The following HNF4A variants were observed in gnomAD, a reference collection of about 807,000 sequenced individuals.
The protein encoded by HNF4A is hepatocyte nuclear factor 4-alpha.
HNF4A carries 15 observed loss-of-function variants against 52.4 expected under a neutral mutation model. The ratio of observed to expected loss-of-function variants is 0.29; its 90% CI spans 0.19 to 0.44. The LOEUF is 0.44. HNF4A is among the 20% of genes least tolerant of loss of function. The probability of loss-of-function intolerance (pLI) is 1.00; values close to 1 mark genes in which losing one functional copy is unlikely to be tolerated. For synonymous variants in HNF4A, 280 were observed against 264.4 expected, an observed-to-expected ratio of 1.06 and a Z score of -0.57; for missense variants, 479 against 647.2, an observed-to-expected ratio of 0.74 and a Z score of 2.82.
At chr20:44,369,278 A>AAAC (rs2063006751) in intron 1 of HNF4A, among the ~76,000 whole-genome samples, 5 of 142,622 alleles carry the variant, frequency 3.5e-5, no homozygotes, top group Non-Finnish European at 4.6e-5. Flanking sequence ...AAAAAAAAAA[A>AAAC]CTGGGCCGGC....
At chr20:44,414,732 C>T in intron 5 of HNF4A, 70 bp downstream of exon 5, 1 of 1,446,206 alleles carries the variant, frequency 6.9e-7, no homozygotes, top group Non-Finnish European at 9.5e-7. Context: ...GCTGGCCCAC[C>T]TGGGATATAG....
intron 3 of HNF4A, among the ~76,000 whole-genome samples, 191 bp from the exon 4 acceptor site, chr20:44,413,503 G>T (rs1422126638): frequency 6.6e-6 from 1 of 151,940 alleles, no homozygotes; most frequent in African/African-American, 2.4e-5. Context: ...TTGTGTTGGG[G>T]GCAGTTGTGA....
intron 7 of HNF4A, among the ~76,000 whole-genome samples, chr20:44,423,660 T>C (rs1284753640): frequency 6.6e-6 from 1 of 152,238 alleles, no homozygotes; most frequent in Non-Finnish European, 1.5e-5. Context: ...TGCCAACAAC[T>C]GGCTGTGCGA....
chr20:44,380,281 A>G (rs1212132594), intron 1 of HNF4A, among the ~76,000 whole-genome samples: 1 of 152,112 alleles, frequency 6.6e-6, no homozygotes, highest in East Asian at 1.9e-4. Flanking sequence ...AGAAATGCCT[A>G]TTCAAGTCCT....
rs548476836 is a variant in HNF4A at position 44,393,045 on chromosome 20, T to C, written c.50-13013T>C. ...TCACCTTAGTGACCTGGCAAATCCC[T>C]GGGGCCCCTCAGAACAAGAGTATGG... On this transcript the variant is annotated intron_variant, in intron 1 of 9. Coordinates refer to the HNF4A transcript ENST00000316673. 4.0e-3 allele frequency among the ~76,000 whole-genome samples: 606 copies of C among 152,282 alleles called. 5 individuals are homozygous for C. Among genetic ancestry groups the C allele is most frequent in the African/African-American group, 0.014 (583 of 41,560 alleles).
chr20:44,387,131 C>T (rs764418846), intron 1 of HNF4A, among the ~76,000 whole-genome samples: 6 of 151,654 alleles, frequency 4.0e-5, no homozygotes, highest in Non-Finnish European at 7.4e-5. Flanking sequence ...GGCGAAACCC[C>T]GTCTCTACTA....
chr20:44,429,456 C>A, intron 9 of HNF4A, 67 bp from the exon 10 acceptor site: 1 of 1,597,028 alleles, frequency 6.3e-7, no homozygotes, highest in South Asian at 1.1e-5. Context: ...CTTTCCCGGG[C>A]CTCTTCATTT....
intron 1 of HNF4A, chr20:44,402,656 G>T (rs774553441): frequency 1.0e-5 from 14 of 1,344,616 alleles, no homozygotes; most frequent in Non-Finnish European, 1.4e-5. Flanking sequence ...TAGGGGAAAA[G>T]AGGAGGCCCG....
Position 44,419,783 on chromosome 20 carries a change from C to A in HNF4A, c.799C>A (p.Arg267Ser), listed in dbSNP as rs1290868034. The stretch of plus-strand genomic sequence containing the variant: ...GGCGGAGATGAGCCGGGTGTCCATA[C>A]GCATCCTTGACGAGCTGGTGCTGCC... The change falls in exon 7 of 10, where the codon CGC becomes AGC. Residue 267 changes from arginine (R) to serine (S), a missense_variant. Transcript: ENST00000316099. 1 of 1,605,666 alleles carries A rather than the reference C, an allele frequency of 6.2e-7. No individual in the cohort carries two copies. The highest frequency in any genetic ancestry group is 8.5e-7 in the Non-Finnish European group (1 of 1,175,206).
upstream of HNF4A, chr20:44,401,205 AC>A: frequency 2.0e-6 from 3 of 1,488,328 alleles, no homozygotes; most frequent in Non-Finnish European, 2.7e-6. Context: ...CAGAGCCTCC[AC>A]CCCTTCACAG....
intron 1 of HNF4A, among the ~76,000 whole-genome samples, chr20:44,379,730 CTTTTTTTT>C (rs33924202): frequency 9.1e-6 from 1 of 109,564 alleles, no homozygotes; most frequent in East Asian, 2.8e-4. Context: ...TTTTCTTTTC[CTTTTTTTT>C]TTTTTTTTTT....
Position 44,407,364 on chromosome 20 carries a change from T to C in HNF4A, c.291-17T>C. 1 of 1,596,262 alleles carries C rather than the reference T, an allele frequency of 6.3e-7. No homozygotes were observed. Among genetic ancestry groups the C allele is most frequent in the Admixed American group, 1.7e-5 (1 of 59,334 alleles). On this transcript the variant is annotated splice_polypyrimidine_tract_variant and intron_variant, in intron 2 of 9. Transcript: ENST00000316099. Reference sequence around the variant, plus strand: ...AAGTTGTGTCTTCTCCATCCAACCATCCAAAGCCCTCCCCAGATTTAGCCG... The same window carrying C: ...AAGTTGTGTCTTCTCCATCCAACCACCCAAAGCCCTCCCCAGATTTAGCCG...
chr20:44,366,208 T>C lies in HNF4A; in HGVS notation c.49+10355T>C, dbSNP rs148020324. Among the ~76,000 whole-genome samples, 8 of 152,322 alleles carry C rather than the reference T, an allele frequency of 5.3e-5. No individual in the cohort carries two copies. In the East Asian group the frequency reaches 1.5e-3, roughly 29 times the overall value. The stretch of plus-strand genomic sequence containing the variant: ...ATGTAGTAAGAGTAAGATATGTATG[T>C]TTTTGAAACTTTTGTTTTATTTATG... On this transcript the variant is annotated intron_variant, in intron 1 of 9. Coordinates refer to the HNF4A transcript ENST00000316673.
At chr20:44,383,199 T>C (rs527380761) in intron 1 of HNF4A, among the ~76,000 whole-genome samples, 1 of 152,278 alleles carries the variant, frequency 6.6e-6, no homozygotes, top group Non-Finnish European at 1.5e-5. Flanking sequence ...CAAATCTATT[T>C]GGATCTGGAT....
intron 8 of HNF4A, among the ~76,000 whole-genome samples, chr20:44,424,818 T>C (rs2063797011): frequency 1.3e-5 from 2 of 152,014 alleles, no homozygotes; most frequent in South Asian, 2.1e-4. Flanking sequence ...GGAGAGAGTG[T>C]TGTGTTTGAG....
intron 1 of HNF4A, among the ~76,000 whole-genome samples, chr20:44,358,381 G>T (rs766449078): frequency 4.6e-5 from 7 of 151,908 alleles, no homozygotes; most frequent in Non-Finnish European, 1.0e-4. Context: ...AGGCTGAGGC[G>T]GGCAGATAAC....
chr20:44,386,354 A>G (rs967697255), intron 1 of HNF4A, among the ~76,000 whole-genome samples: 2 of 151,694 alleles, frequency 1.3e-5, no homozygotes, highest in African/African-American at 4.8e-5. Context: ...TTTAGTAGAG[A>G]CGAGGTCTCA....
intron 1 of HNF4A, among the ~76,000 whole-genome samples, chr20:44,390,953 C>A (rs1360653432): frequency 6.6e-6 from 1 of 152,128 alleles, no homozygotes; most frequent in Non-Finnish European, 1.5e-5. Flanking sequence ...TCTCATTTTG[C>A]AGTTGGGGAA....
intron 5 of HNF4A, among the ~76,000 whole-genome samples, chr20:44,415,342 G>A (rs558931897): frequency 1.3e-5 from 2 of 152,098 alleles, no homozygotes; most frequent in East Asian, 3.9e-4. Flanking sequence ...ACTCAGCATC[G>A]TGTTTCCCAC....
Sources: allele counts gnomAD v4.1 joint callset (sites outside exome capture counted in the v4.1 genomes callset), GRCh38; gene constraint gnomAD v4.1.1; transcripts MANE v1.5; gene names NCBI Gene and HGNC (gene_info 2026-07-23, HGNC 2026-07-21).